The following SRRM4 variants were observed in gnomAD, a reference collection of about 807,000 sequenced individuals.
SRRM4 encodes serine/arginine repetitive matrix 4.
In SRRM4, 33 loss-of-function variants were observed where a neutral mutation model predicts 68.9. That is an observed-to-expected ratio of 0.48 (90% CI 0.36 to 0.64). The LOEUF (loss-of-function observed/expected upper bound fraction) is 0.64, where lower values mean the gene tolerates loss of function less well. Among genes scored for constraint, SRRM4 ranks in the 30% least tolerant of loss-of-function variants. The pLI is 0.00. For synonymous variants in SRRM4, 318 were observed against 318.8 expected, an observed-to-expected ratio of 1.00 and a Z score of 0.03; for missense variants, 817 against 827.1, an observed-to-expected ratio of 0.99 and a Z score of 0.15.
At position 119,156,704 on chromosome 12, in the gene SRRM4, G is replaced by C. The variant is rs1461211950; in HGVS notation, c.1742G>C (p.Ser581Thr). Residue 581 changes from serine to threonine, a missense_variant, in exon 13 of 13, where the codon AGC (serine) becomes ACC (threonine). By Grantham distance (58) the Ser-to-Thr change is moderately conservative (BLOSUM62 1). Transcript: ENST00000267260. ...SSRSPSPGSRSRSRSRSRSRS... is the reference protein window; with the variant it reads ...SSRSPSPGSRTRSRSRSRSRS... ...CGCAGCCCTAGTCCGGGCTCCCGCA[G>C]CCGGAGCCGGAGCAGGAGCCGGAGC... 1 of 1,547,738 alleles carries C rather than the reference G, an allele frequency of 6.5e-7. No individual in the cohort carries two copies. The highest frequency in any genetic ancestry group is 8.7e-7 in the Non-Finnish European group (1 of 1,146,540).
chr12:119,052,702 G>C (rs927775206), intron 1 of SRRM4, among the ~76,000 whole-genome samples: 2 of 151,982 alleles, frequency 1.3e-5, no homozygotes, highest in Non-Finnish European at 2.9e-5. Flanking sequence ...CTAATTTTTT[G>C]TATTTTTAGT....
At chr12:119,076,011 CGAT>C (rs1486577356) in intron 1 of SRRM4, among the ~76,000 whole-genome samples, 3 of 93,494 alleles carry the variant, frequency 3.2e-5, no homozygotes, top group Non-Finnish European at 6.8e-5. Context: ...GTGATGGTGG[CGAT>C]GATGATGATG....
rs531292175 is a variant in SRRM4, at chr12:118,991,058, G to A, written c.131+9045G>A. Among the ~76,000 whole-genome samples, 34 of 152,232 alleles carry A rather than the reference G, an allele frequency of 2.2e-4. 1 individual carries two copies. The highest frequency in any genetic ancestry group is 1.6e-3 in the Admixed American group (25 of 15,290). On this transcript the variant is annotated intron_variant, in intron 1 of 12. Transcript: ENST00000267260. ...GACCTCAGGTGATCCACCCTCCTCG[G>A]CCTTCCAAAGTACTGGGATTACAGG...
In SRRM4 at chr12:119,160,265, G is replaced by A. The variant is rs377684803; in HGVS notation, c.*3467G>A. ...GAAATCTCTGCCTCTCTCTCTCTCT[G>A]TCTCTCTCTCTGTCTCTCTCTCTGT... On this transcript the variant is annotated 3_prime_UTR_variant, in exon 13 of 13. Transcript: ENST00000267260. 9.0e-6 allele frequency: 1 copy of A among 110,510 alleles called. No individual in the cohort carries two copies. Among genetic ancestry groups the A allele is most frequent in the South Asian group, 3.0e-4 (1 of 3,280 alleles). 6.8% of individuals were successfully genotyped at this position (110,510 alleles called of 1,614,324 possible). A position where few individuals can be genotyped will look rare whatever the true frequency, so the allele number is the denominator to read the frequency against.
rs1954274178 is a variant in SRRM4 at position 119,128,444 on chromosome 12, A to T, written c.615-2234A>T. On this transcript the variant is annotated intron_variant, in intron 7 of 12. Transcript: ENST00000267260. ...CAGATCTGTAAATGCTCCCCAAACC[A>T]CCTATCACCAGCCCAAAGCCTATAA... Among the ~76,000 whole-genome samples the T allele has an allele frequency of 3.3e-5, 5 of 152,038 alleles. No homozygotes were observed. The South Asian group carries it at 1.0e-3, about 32-fold the overall frequency.
intron 8 of SRRM4, among the ~76,000 whole-genome samples, chr12:119,133,456 C>T (rs1954309989): frequency 6.6e-6 from 1 of 152,290 alleles, no homozygotes; most frequent in African/African-American, 2.4e-5. Flanking sequence ...CCCTGCTTCC[C>T]AGACCAATTT....
At chr12:119,025,511 C>T (rs1418115215) in intron 1 of SRRM4, among the ~76,000 whole-genome samples, 2 of 151,986 alleles carry the variant, frequency 1.3e-5, no homozygotes, top group African/African-American at 4.8e-5. Flanking sequence ...ATGGCATGAT[C>T]TTGGCTCACC....
chr12:119,124,391 G>A (rs1349673589), intron 6 of SRRM4: 2 of 152,290 alleles, frequency 1.3e-5, no homozygotes, highest in East Asian at 3.9e-4. Context: ...CTTGATATGA[G>A]AGCAATGGGA....
chr12:119,042,966 T>G (rs1953679392), intron 1 of SRRM4, among the ~76,000 whole-genome samples: 1 of 152,132 alleles, frequency 6.6e-6, no homozygotes, highest in East Asian at 1.9e-4. Flanking sequence ...GTTCCACCAT[T>G]GTGGGAGACA....
chr12:119,002,317 T>C (rs1461459664), intron 1 of SRRM4, among the ~76,000 whole-genome samples: 1 of 152,206 alleles, frequency 6.6e-6, no homozygotes, highest in Non-Finnish European at 1.5e-5. Context: ...GTATCCCATT[T>C]ATTCATTTGC....
intron 1 of SRRM4, among the ~76,000 whole-genome samples, chr12:119,084,936 T>C (rs1249379497): frequency 6.6e-6 from 1 of 152,214 alleles, no homozygotes; most frequent in Admixed American, 6.5e-5. Flanking sequence ...TTTTGCTCTT[T>C]GTTGCCCAGG....
intron 1 of SRRM4, among the ~76,000 whole-genome samples, chr12:119,085,951 G>A (rs563311580): frequency 2.0e-5 from 3 of 152,250 alleles, no homozygotes; most frequent in Non-Finnish European, 2.9e-5. Context: ...ACACGTTGAC[G>A]TTTGGTCACA....
At chr12:119,101,988 T>G (rs1214543398) in intron 1 of SRRM4, among the ~76,000 whole-genome samples, 1 of 152,178 alleles carries the variant, frequency 6.6e-6, no homozygotes, top group Non-Finnish European at 1.5e-5. Flanking sequence ...CCTTTCAGAA[T>G]GCGTGGACTC....
At chr12:119,152,941 A>C (rs1382044520) in intron 10 of SRRM4, among the ~76,000 whole-genome samples, 2 of 152,218 alleles carry the variant, frequency 1.3e-5, no homozygotes, top group African/African-American at 4.8e-5. Flanking sequence ...TTTGGCTTAG[A>C]GGCAAACAGT....
chr12:119,035,776 T>A (rs915250479), intron 1 of SRRM4, among the ~76,000 whole-genome samples: 3 of 152,184 alleles, frequency 2.0e-5, no homozygotes, highest in African/African-American at 7.2e-5. Context: ...TCAGGAACAT[T>A]TCTAAACCTT....
chr12:119,129,882 T>C (rs1423195928), intron 7 of SRRM4, among the ~76,000 whole-genome samples: 1 of 149,156 alleles, frequency 6.7e-6, no homozygotes, highest in Non-Finnish European at 1.5e-5. Context: ...AATGGATGGA[T>C]GGATGGATGG....
intron 1 of SRRM4, among the ~76,000 whole-genome samples, chr12:119,038,227 CAG>C (rs1292680715): frequency 7.1e-6 from 1 of 140,540 alleles, no homozygotes; most frequent in Non-Finnish European, 1.5e-5. Flanking sequence ...TTTTTTGAGA[CAG>C]AGTCTCTCTC....
At chr12:119,026,059 G>A (rs1300198199) in intron 1 of SRRM4, among the ~76,000 whole-genome samples, 1 of 151,912 alleles carries the variant, frequency 6.6e-6, no homozygotes, top group African/African-American at 2.4e-5. Flanking sequence ...CACATTGGAG[G>A]TCCTGGTGCC....
chr12:119,145,683 A>C lies in SRRM4; in HGVS notation c.1074A>C (p.Ser358=), dbSNP rs747576386. The change falls in exon 9 of 13, where the codon TCA becomes TCC. Residue 358 remains serine (S), a splice_region_variant and synonymous_variant. Coordinates refer to ENST00000267260, the MANE Select transcript of SRRM4 (RefSeq NM_194286.4). ...CCCCCACCAGCAGGGGCAGAGAGTCAAGGTCAGTGCACCACACAGGGTCGG... is the reference window on the plus strand; with the variant it reads ...CCCCCACCAGCAGGGGCAGAGAGTCCAGGTCAGTGCACCACACAGGGTCGG... The part of the protein sequence containing the change: ...NLSPTSRGRE[S]RGFQSPCLEC... 4 of 1,518,788 alleles carry C rather than the reference A, an allele frequency of 2.6e-6. No homozygotes were observed. The African/African-American group carries it at 5.6e-5, about 21-fold the overall frequency. 94.1% of individuals were successfully genotyped at this position (1,518,788 alleles called of 1,614,324 possible).
Sources: allele counts gnomAD v4.1 joint callset (sites outside exome capture counted in the v4.1 genomes callset), GRCh38; gene constraint gnomAD v4.1.1; transcripts MANE v1.5; gene names NCBI Gene and HGNC (gene_info 2026-07-23, HGNC 2026-07-21).